Variants in KAZN observed in about 807,000 individuals in gnomAD.
The protein encoded by KAZN is kazrin.
A neutral mutation model predicts 87.4 loss-of-function variants in KAZN; 40 were observed. The ratio of observed to expected loss-of-function variants is 0.46; its 90% CI spans 0.36 to 0.60. The LOEUF (loss-of-function observed/expected upper bound fraction) is 0.60, where lower values mean the gene tolerates loss of function less well. Among genes scored for constraint, KAZN ranks in the 20% least tolerant of loss-of-function variants. The pLI is 0.00. For missense variants in KAZN, 898 were observed against 1,073.9 expected, an observed-to-expected ratio of 0.84 and a Z score of 2.29; for synonymous variants, 466 against 458.3, an observed-to-expected ratio of 1.02 and a Z score of -0.22.
chr1:14,127,019 T>G (rs996967403), intron 1 of KAZN, among the ~76,000 whole-genome samples: 4 of 152,184 alleles, frequency 2.6e-5, no homozygotes, highest in African/African-American at 9.7e-5. Flanking sequence ...GGCAGGAGAT[T>G]CGCTTGAACC....
intron 2 of KAZN, among the ~76,000 whole-genome samples, chr1:14,420,497 A>G (rs1189726885): frequency 6.6e-6 from 1 of 152,152 alleles, no homozygotes; most frequent in Non-Finnish European, 1.5e-5. Context: ...CACACTCCTC[A>G]GCCCTTGGTC....
At chr1:14,776,797 A>G (rs116825618) in intron 1 of KAZN, among the ~76,000 whole-genome samples, 1,614 of 152,130 alleles carry the variant, frequency 0.011, 15 homozygotes, top group African/African-American at 0.037. Context: ...TTAGCCAAGC[A>G]TAGTGGCGCA....
At chr1:13,989,424 C>T (rs1048718689) in intron 1 of KAZN, among the ~76,000 whole-genome samples, 2 of 152,144 alleles carry the variant, frequency 1.3e-5, no homozygotes, top group African/African-American at 4.8e-5. Context: ...GAGAAACAAG[C>T]ATCACATGAG....
chr1:14,604,736 C>G (rs1677231033), intron 1 of KAZN, among the ~76,000 whole-genome samples: 1 of 152,136 alleles, frequency 6.6e-6, no homozygotes, highest in Admixed American at 6.5e-5. Flanking sequence ...CATGTCAGAC[C>G]CTTGGGTCAG....
intron 1 of KAZN, among the ~76,000 whole-genome samples, chr1:13,978,575 A>C (rs954026877): frequency 6.6e-6 from 1 of 151,830 alleles, no homozygotes; most frequent in Non-Finnish European, 1.5e-5. Flanking sequence ...GAGGTTTAAA[A>C]GTAGATTAGA....
At chr1:14,891,463 T>C (rs1410666886) in intron 1 of KAZN, among the ~76,000 whole-genome samples, 3 of 152,172 alleles carry the variant, frequency 2.0e-5, no homozygotes, top group African/African-American at 7.2e-5. Flanking sequence ...TCCAATCCCA[T>C]CCAGGTTGCT....
intron 1 of KAZN, among the ~76,000 whole-genome samples, chr1:14,848,935 G>C (rs745792883): frequency 6.6e-6 from 1 of 152,280 alleles, no homozygotes; most frequent in Non-Finnish European, 1.5e-5. Context: ...TGCATGGAGC[G>C]GGGGCTGGCT....
intron 3 of KAZN, among the ~76,000 whole-genome samples, chr1:15,043,625 C>A (rs1274213904): frequency 2.7e-5 from 4 of 150,116 alleles, no homozygotes; most frequent in Non-Finnish European, 5.9e-5. Context: ...CATGGGGCCT[C>A]CCCACTTCTT....
At chr1:14,063,448 G>T (rs1381777864) in intron 1 of KAZN, among the ~76,000 whole-genome samples, 1 of 152,186 alleles carries the variant, frequency 6.6e-6, no homozygotes, top group Non-Finnish European at 1.5e-5. Context: ...AAATATGTGA[G>T]CAAGAGAGGT....
At chr1:14,719,111 ACT>A (rs1434779347) in intron 1 of KAZN, among the ~76,000 whole-genome samples, 2 of 152,142 alleles carry the variant, frequency 1.3e-5, no homozygotes, top group Non-Finnish European at 2.9e-5. Context: ...TTGCACATGT[ACT>A]CTCTGCTTGC....
At chr1:14,970,512 AT>A (rs1006823094) in intron 2 of KAZN, among the ~76,000 whole-genome samples, 1 of 151,950 alleles carries the variant, frequency 6.6e-6, no homozygotes, top group African/African-American at 2.4e-5. Flanking sequence ...TTATGCAGTA[AT>A]TTTTTTTGCA....
chr1:14,473,405 G>T (rs570181591), intron 2 of KAZN, among the ~76,000 whole-genome samples: 1 of 152,272 alleles, frequency 6.6e-6, no homozygotes, highest in East Asian at 1.9e-4. Flanking sequence ...GAGGTGGACA[G>T]ATCATGAGGT....
intron 1 of KAZN, among the ~76,000 whole-genome samples, chr1:13,907,746 A>G (rs1233692986): frequency 6.6e-6 from 1 of 152,208 alleles, no homozygotes; most frequent in Non-Finnish European, 1.5e-5. Flanking sequence ...TAGTCTGGCA[A>G]CCTTCAGACT....
At chr1:14,230,676 C>T (rs915882975) in intron 2 of KAZN, among the ~76,000 whole-genome samples, 3 of 152,140 alleles carry the variant, frequency 2.0e-5, no homozygotes, top group African/African-American at 7.2e-5. Context: ...TGTGACTCCC[C>T]TGTAAGATTA....
At chr1:14,228,286 A>G (rs566237703) in intron 2 of KAZN, among the ~76,000 whole-genome samples, 1 of 152,338 alleles carries the variant, frequency 6.6e-6, no homozygotes, top group East Asian at 1.9e-4. Flanking sequence ...TCAGGCTGAC[A>G]ACAACCTTAC....
intron 3 of KAZN, among the ~76,000 whole-genome samples, chr1:15,035,697 G>A (rs535161879): frequency 2.4e-4 from 37 of 152,252 alleles, no homozygotes; most frequent in African/African-American, 8.9e-4. Context: ...AAAAGTAGCC[G>A]GTCATTGTGG....
chr1:14,092,307 G>A (rs968242152), intron 1 of KAZN, among the ~76,000 whole-genome samples: 4 of 150,888 alleles, frequency 2.7e-5, no homozygotes, highest in African/African-American at 4.8e-5. Context: ...TAGCCAGGAT[G>A]GTCTTGATCT....
chr1:14,119,346 G>A (rs1644701492), intron 1 of KAZN, among the ~76,000 whole-genome samples: 1 of 152,156 alleles, frequency 6.6e-6, no homozygotes, highest in Non-Finnish European at 1.5e-5. Context: ...AGAGACTTAA[G>A]TCAATTGTGT....
At chr1:14,625,074 AG>A (rs1679029670) in intron 1 of KAZN, among the ~76,000 whole-genome samples, 1 of 152,160 alleles carries the variant, frequency 6.6e-6, no homozygotes, top group Non-Finnish European at 1.5e-5. Flanking sequence ...GAACTATGTG[AG>A]CTCATCCTGT....
Sources: gnomAD v4.1 joint callset for allele counts (sites outside exome capture counted in the v4.1 genomes callset) on GRCh38, gnomAD v4.1.1 for gene constraint, MANE v1.5 for transcripts, NCBI Gene and HGNC (gene_info 2026-07-23, HGNC 2026-07-21) for gene names.